Variants in PCDHA7 observed in about 807,000 individuals in gnomAD.
PCDHA7 encodes protocadherin alpha 7.
In PCDHA7, 37 loss-of-function variants were observed where a neutral mutation model predicts 57.2. The ratio of observed to expected loss-of-function variants is 0.65; its 90% confidence interval spans 0.50 to 0.85. The LOEUF is 0.85. Among genes scored for constraint, PCDHA7 ranks in the 40% least tolerant of loss-of-function variants. PCDHA7 has a pLI of 0.00. For synonymous variants in PCDHA7, 553 were observed against 558.8 expected, an observed-to-expected ratio of 0.99 and a Z score of 0.15; for missense variants, 1,188 against 1,241.8, an observed-to-expected ratio of 0.96 and a Z score of 0.65.
At chr5:140,966,749 C>T (rs1554228607) in intron 1 of PCDHA7, 1 of 1,428,076 alleles carries the variant, frequency 7.0e-7, no homozygotes, top group Middle Eastern at 2.5e-4. Flanking sequence ...CCGGCTGCCT[C>T]CGCCGCGGCC....
chr5:140,937,868 C>T (rs1433466146), intron 1 of PCDHA7, among the ~76,000 whole-genome samples: 2 of 150,648 alleles, frequency 1.3e-5, no homozygotes, highest in Admixed American at 6.6e-5. Context: ...GCCGAGATCG[C>T]GCCACTGCAC....
Position 140,979,960 on chromosome 5 carries a change from C to T in PCDHA7, c.2414+953C>T, listed in dbSNP as rs2096871601. 2.0e-5 allele frequency among the ~76,000 whole-genome samples: 3 copies of T among 152,266 alleles called. No homozygotes were observed. The South Asian group carries it at 6.2e-4, about 32-fold the overall frequency. ...AGAGTTAATGTGAAATTAGTTTTAG[C>T]CCATTAAAATGCATTAGATTGAAAT... On this transcript the variant is annotated intron_variant, in intron 2 of 3. Coordinates refer to ENST00000525929, the MANE Select transcript of PCDHA7 (RefSeq NM_018910.3).
intron 1 of PCDHA7, chr5:140,876,095 T>C (rs781801828): frequency 4.3e-6 from 7 of 1,613,928 alleles, no homozygotes; most frequent in Non-Finnish European, 5.9e-6. Context: ...ACGCCAAAAC[T>C]CAATTTATTG....
chr5:140,941,214 C>CTTTCTTTCTTTCTGTCTTT, intron 1 of PCDHA7, among the ~76,000 whole-genome samples: 1 of 122,492 alleles, frequency 8.2e-6, no homozygotes, highest in African/African-American at 3.1e-5. Flanking sequence ...TTTCTTTCTT[C>CTTTCTTTCTTTCTGTCTTT]CTTTCTTTCT....
chr5:140,849,905 G>T (rs373526467), intron 1 of PCDHA7: 1 of 1,598,310 alleles, frequency 6.3e-7, no homozygotes, highest in Non-Finnish European at 8.6e-7. Context: ...ACAACCCGCC[G>T]GGCTGCCACA....
At chr5:140,842,773 G>C in intron 1 of PCDHA7, 1 of 1,594,638 alleles carries the variant, frequency 6.3e-7, no homozygotes. Flanking sequence ...ACGCGGACGC[G>C]CAGGAGAACG....
At chr5:140,856,335 G>A in intron 1 of PCDHA7, 1 of 1,598,610 alleles carries the variant, frequency 6.3e-7, no homozygotes, top group Non-Finnish European at 8.6e-7. Context: ...GAGCTGTGCG[G>A]GCGGAGCGTG....
intron 3 of PCDHA7, among the ~76,000 whole-genome samples, chr5:140,991,755 C>T (rs2153897425): frequency 6.6e-6 from 1 of 152,268 alleles, no homozygotes; most frequent in South Asian, 2.1e-4. Context: ...TTCTATCATG[C>T]TCTTCAAAAT....
chr5:140,957,222 G>A (rs537549328), intron 1 of PCDHA7, among the ~76,000 whole-genome samples: 1 of 152,182 alleles, frequency 6.6e-6, no homozygotes, highest in East Asian at 1.9e-4. Context: ...AAAATTTGGC[G>A]AAGCATTTTG....
At chr5:140,959,956 G>A (rs78198535) in intron 1 of PCDHA7, among the ~76,000 whole-genome samples, 3,568 of 152,304 alleles carry the variant, frequency 0.023, 49 homozygotes, top group Middle Eastern at 0.034. Flanking sequence ...TCATAGGTAG[G>A]AGGTAGATGT....
chr5:140,933,694 C>T (rs782754431), intron 1 of PCDHA7, among the ~76,000 whole-genome samples: 8 of 151,858 alleles, frequency 5.3e-5, no homozygotes, highest in South Asian at 4.1e-4. Flanking sequence ...TCCTATTCCT[C>T]GGACACATTT....
Position 140,842,122 on chromosome 5 carries a change from T to A in PCDHA7, c.2355+5384T>A, listed in dbSNP as rs2150329697. On this transcript the variant is annotated intron_variant, in intron 1 of 3. Transcript: ENST00000525929. Reference sequence around the variant, plus strand: ...CAACAGTTATCAAACTGAATGCTTCTGATCCGGATGAAGGAGCCAATGGGG... The same window carrying A: ...CAACAGTTATCAAACTGAATGCTTCAGATCCGGATGAAGGAGCCAATGGGG... 9 of 1,613,784 alleles carry A rather than the reference T, an allele frequency of 5.6e-6. No individual in the cohort carries two copies. In the South Asian group the frequency reaches 8.8e-5, roughly 16 times the overall value.
At chr5:140,952,962 C>A (rs246032) in intron 1 of PCDHA7, among the ~76,000 whole-genome samples, 85,448 of 151,620 alleles carry the variant, frequency 0.56, 24,697 homozygotes, top group African/African-American at 0.69. Context: ...GGAAGTGATA[C>A]ACACTTTTAA....
chr5:140,888,980 G>A (rs1429569959), intron 1 of PCDHA7, among the ~76,000 whole-genome samples: 2 of 152,022 alleles, frequency 1.3e-5, no homozygotes, highest in Non-Finnish European at 2.9e-5. Context: ...TTGAATTTAT[G>A]ATTTATGATT....
In PCDHA7 at chr5:140,887,388, G is replaced by A. The variant is rs138166374; in HGVS notation, c.2355+50650G>A. ...TGGGATTACAGGTGTGAGCCACCGC[G>A]CCCGGCTCTTTATCTCATTTTTATT... is the stretch of plus-strand genomic sequence containing the variant. On this transcript the variant is annotated intron_variant, in intron 1 of 3. Transcript: ENST00000525929. 5.8e-3 allele frequency among the ~76,000 whole-genome samples: 888 copies of A among 152,192 alleles called. 10 individuals carry two copies. The highest frequency in any genetic ancestry group is 0.019 in the African/African-American group (805 of 41,536).
Position 140,909,713 on chromosome 5 carries a change from C to G in PCDHA7, c.2356-69236C>G, listed in dbSNP as rs6870083. 8.9e-3 allele frequency among the ~76,000 whole-genome samples: 1,356 copies of G among 152,266 alleles called. 15 individuals carry two copies. The highest frequency in any genetic ancestry group is 0.032 in the African/African-American group (1,312 of 41,548). ...GGGTTCTGCTAGCTGCTAAGTATAC[C>G]TATGCCAATTATGCATTCTGGCACT... is the stretch of plus-strand genomic sequence containing the variant. On this transcript the variant is annotated intron_variant, in intron 1 of 3. Transcript: ENST00000525929.
chr5:140,850,279 G>A lies in PCDHA7; in HGVS notation c.2355+13541G>A, dbSNP rs140634296. On this transcript the variant is annotated intron_variant, in intron 1 of 3. Coordinates refer to ENST00000525929, the MANE Select transcript of PCDHA7 (RefSeq NM_018910.3). ...GCCGGCGTAGTGGTGGGGAAGGTGC[G>A]CGCAGTGGACGCCGACTCGGGCTAC... The A allele has an allele frequency of 3.4e-5, 54 of 1,595,452 alleles. 4 individuals carry two copies. The highest frequency in any genetic ancestry group is 4.5e-5 in the Non-Finnish European group (53 of 1,167,590).
intron 1 of PCDHA7, chr5:140,870,601 G>A (rs1554164453): frequency 1.2e-6 from 2 of 1,613,228 alleles, no homozygotes; most frequent in Admixed American, 1.7e-5. Context: ...GCGGTTGGGC[G>A]ACCGCGCGCT....
intron 1 of PCDHA7, among the ~76,000 whole-genome samples, chr5:140,893,927 T>C (rs1251170255): frequency 1.3e-5 from 2 of 152,212 alleles, no homozygotes; most frequent in Non-Finnish European, 2.9e-5. Flanking sequence ...TTTCAGAATC[T>C]CTACCTGTTA....
Sources: gnomAD v4.1 joint callset for allele counts (sites outside exome capture counted in the v4.1 genomes callset) on GRCh38, gnomAD v4.1.1 for gene constraint, MANE v1.5 for transcripts, NCBI Gene and HGNC (gene_info 2026-07-23, HGNC 2026-07-21) for gene names.